Variants in CACNA1E observed in about 807,000 individuals in gnomAD.
CACNA1E encodes the protein voltage-dependent R-type calcium channel subunit alpha-1E.
Under a neutral mutation model 259.2 loss-of-function variants are expected in CACNA1E, and 40 were observed. The observed-to-expected ratio is 0.15, with a 90% CI of 0.12 to 0.20. The LOEUF is 0.20. CACNA1E is among the 10% of genes least tolerant of loss of function. The pLI is 1.00. For synonymous variants in CACNA1E, 1,104 were observed against 1,138.5 expected (o/e 0.97, Z 0.61); for missense variants, 1,874 against 3,040.1 (o/e 0.62, Z 9.02).
In CACNA1E at chr1:181,802,441, A is replaced by G. The variant is rs565868719; in HGVS notation, c.*3607A>G. 1.2e-4 allele frequency: 19 copies of G among 152,252 alleles called. No homozygotes were observed. Among genetic ancestry groups the G allele is most frequent in the African/African-American group, 4.3e-4 (18 of 41,528 alleles). The allele number at this position is 152,252 out of a possible 1,614,324, so 9.4% of individuals were successfully genotyped here. A position where few individuals can be genotyped will look rare whatever the true frequency, so the allele number is the denominator to read the frequency against. ...CTTTGCACAGATTCCTCCCAACCCC[A>G]TAGAGCCTATGTGGTGAGCATGAGG... On this transcript the variant is annotated 3_prime_UTR_variant, in exon 48 of 48. Transcript: ENST00000367573.
chr1:181,435,661 A>G (rs187478260), intron 2 of CACNA1E, among the ~76,000 whole-genome samples: 22 of 152,302 alleles, frequency 1.4e-4, no homozygotes, highest in Admixed American at 3.9e-4. Context: ...GGTCTGCCAC[A>G]TAGTAGGCTC....
chr1:181,525,930 G>A (rs1290354838), intron 3 of CACNA1E, among the ~76,000 whole-genome samples: 1 of 152,160 alleles, frequency 6.6e-6, no homozygotes, highest in African/African-American at 2.4e-5. Flanking sequence ...TTGGTCTCAG[G>A]TTTATAGCCC....
chr1:181,741,560 C>A (rs559726937), intron 25 of CACNA1E, among the ~76,000 whole-genome samples: 1 of 151,954 alleles, frequency 6.6e-6, no homozygotes, highest in East Asian at 1.9e-4. Flanking sequence ...TACAGACACA[C>A]CCCCCTTGCC....
At chr1:181,659,322 C>T (rs1647361818) in intron 7 of CACNA1E, among the ~76,000 whole-genome samples, 1 of 152,098 alleles carries the variant, frequency 6.6e-6, no homozygotes, top group Non-Finnish European at 1.5e-5. Context: ...GCATGTTTGT[C>T]GGCTCAGATT....
chr1:181,736,751 G>A (rs921131794), intron 22 of CACNA1E, among the ~76,000 whole-genome samples: 1 of 152,196 alleles, frequency 6.6e-6, no homozygotes. Context: ...ATCTACTTGA[G>A]ATTTTGCCAC....
chr1:181,331,674 C>T (rs1222346010), intron 1 of CACNA1E, among the ~76,000 whole-genome samples: 1 of 152,170 alleles, frequency 6.6e-6, no homozygotes, highest in African/African-American at 2.4e-5. Flanking sequence ...ATTCCTTAAT[C>T]CAGTCAAGTT....
intron 1 of CACNA1E, among the ~76,000 whole-genome samples, chr1:181,363,864 C>T (rs1209760497): frequency 6.6e-6 from 1 of 152,196 alleles, no homozygotes; most frequent in Non-Finnish European, 1.5e-5. Flanking sequence ...CAACAGACTT[C>T]ACTACGGATA....
At chr1:181,647,084 G>A (rs570761136) in intron 6 of CACNA1E, among the ~76,000 whole-genome samples, 4 of 152,346 alleles carry the variant, frequency 2.6e-5, no homozygotes, top group East Asian at 1.9e-4. Flanking sequence ...GTTGGGAGAT[G>A]GGAGGAGCAT....
chr1:181,693,308 T>C (rs1360958308), intron 7 of CACNA1E, among the ~76,000 whole-genome samples: 1 of 152,128 alleles, frequency 6.6e-6, no homozygotes, highest in Non-Finnish European at 1.5e-5. Context: ...ACTGGGTATA[T>C]AATTCCAAAG....
At chr1:181,324,359 A>C (rs1449678752) in intron 1 of CACNA1E, among the ~76,000 whole-genome samples, 1 of 152,196 alleles carries the variant, frequency 6.6e-6, no homozygotes, top group Non-Finnish European at 1.5e-5. Flanking sequence ...AAGGCTTCTG[A>C]GGAGGTGATA....
chr1:181,348,222 G>C (rs555570371), intron 1 of CACNA1E, among the ~76,000 whole-genome samples: 2 of 152,086 alleles, frequency 1.3e-5, no homozygotes, highest in African/African-American at 4.8e-5. Flanking sequence ...TGAGATGGGG[G>C]GTCATTTCAT....
chr1:181,502,519 C>T (rs1018806846), intron 1 of CACNA1E, among the ~76,000 whole-genome samples: 11 of 151,994 alleles, frequency 7.2e-5, no homozygotes, highest in South Asian at 6.2e-4. Context: ...TAACCTGGGC[C>T]CTCTCACCTG....
chr1:181,728,740 G>GGT (rs1343264608), intron 18 of CACNA1E, among the ~76,000 whole-genome samples: 1 of 150,684 alleles, frequency 6.6e-6, no homozygotes, highest in Non-Finnish European at 1.5e-5. Flanking sequence ...ACAATGCTCA[G>GGT]GTGTGTGTGC....
chr1:181,667,228 G>A (rs902292748), intron 7 of CACNA1E, among the ~76,000 whole-genome samples: 1 of 152,060 alleles, frequency 6.6e-6, no homozygotes, highest in South Asian at 2.1e-4. Flanking sequence ...CAGAAAATGA[G>A]GATTTCAAGC....
chr1:181,391,006 C>G (rs1444439083), intron 1 of CACNA1E, among the ~76,000 whole-genome samples: 1 of 152,188 alleles, frequency 6.6e-6, no homozygotes, highest in East Asian at 1.9e-4. Context: ...AGCCAAAAAT[C>G]TGGAGGAGTT....
intron 7 of CACNA1E, among the ~76,000 whole-genome samples, chr1:181,662,088 A>G (rs1647743597): frequency 6.6e-6 from 1 of 152,296 alleles, no homozygotes; most frequent in Middle Eastern, 3.4e-3. Flanking sequence ...TAATTCCTAC[A>G]CTGATGAGAA....
chr1:181,798,713 A>G lies in CACNA1E; in HGVS notation c.6821A>G (p.His2274Arg). ...ATCGGCTCAGCCCCACCCCTGCGGC[A>G]TAGCTGGCAGATGCCCAACGGGCAC... ...NTIGSAPPLR[H>R]SWQMPNGHYR... Residue 2274 changes from histidine (H) to arginine (R), a missense_variant, in exon 48 of 48, where the codon CAT becomes CGT. Transcript: ENST00000367573. This position sits in a 1 kb window ranked among gnomAD's most constrained non-coding sequence, Gnocchi z 4.2. 1 of 1,609,020 alleles carries G rather than the reference A, an allele frequency of 6.2e-7. No individual in the cohort carries two copies. Among genetic ancestry groups the G allele is most frequent in the Non-Finnish European group, 8.5e-7 (1 of 1,176,890 alleles).
chr1:181,733,920 C>T (rs185610650), intron 21 of CACNA1E, among the ~76,000 whole-genome samples, 170 bp downstream of exon 21: 27 of 152,312 alleles, frequency 1.8e-4, no homozygotes, highest in Middle Eastern at 6.8e-3. Flanking sequence ...AATAAGCTAG[C>T]GTTCTCTTCA....
chr1:181,755,473 A>G (rs1658009762), intron 28 of CACNA1E, 76 bp downstream of exon 28: 1 of 1,106,590 alleles, frequency 9.0e-7, no homozygotes, highest in Admixed American at 1.9e-5. Context: ...CCACAGGTCC[A>G]CCCTCCCTCC....
Sources: gnomAD v4.1 joint callset for allele counts (sites outside exome capture counted in the v4.1 genomes callset) on GRCh38, gnomAD v4.1.1 for gene constraint, Gnocchi (gnomAD v3.1) non-coding constraint, MANE v1.5 for transcripts, NCBI Gene and HGNC (gene_info 2026-07-23, HGNC 2026-07-21) for gene names.